AUTS2: variants seen among roughly 807,000 people sequenced by gnomAD.
AUTS2 encodes autism susceptibility gene 2 protein.
Under a neutral mutation model 112.4 loss-of-function variants are expected in AUTS2, and 17 were observed. That is an observed-to-expected ratio of 0.15 (90% CI 0.10 to 0.23). AUTS2 has a LOEUF of 0.23. Ranked by LOEUF, AUTS2 falls within the 10% of genes least tolerant of loss-of-function variation. The pLI, the probability that AUTS2 is intolerant of heterozygous loss-of-function variation, is 1.00. For missense variants in AUTS2, 1,510 were observed against 1,701.6 expected (o/e 0.89, Z 1.98); for synonymous variants, 751 against 702.7 (o/e 1.07, Z -1.09).
At chr7:69,901,311 A>C (rs116387536) in intron 2 of AUTS2, among the ~76,000 whole-genome samples, 101 of 151,764 alleles carry the variant, frequency 6.7e-4, no homozygotes, top group African/African-American at 2.3e-3. Flanking sequence ...GCAGGGTAAG[A>C]AGGAAGCCTT....
chr7:69,694,144 G>C (rs1335200277), intron 1 of AUTS2, among the ~76,000 whole-genome samples: 1 of 152,140 alleles, frequency 6.6e-6, no homozygotes, highest in Non-Finnish European at 1.5e-5. Flanking sequence ...GGGGCAGTTA[G>C]GTGGAACTAA....
chr7:70,071,327 G>A (rs1448954277), intron 2 of AUTS2, among the ~76,000 whole-genome samples: 2 of 152,148 alleles, frequency 1.3e-5, no homozygotes, highest in Non-Finnish European at 2.9e-5. Flanking sequence ...CCAAGAGGAA[G>A]GAGATGCTGG....
At chr7:70,704,080 C>T (rs1585538413) in intron 6 of AUTS2, among the ~76,000 whole-genome samples, 1 of 152,162 alleles carries the variant, frequency 6.6e-6, no homozygotes, top group African/African-American at 2.4e-5. Flanking sequence ...AAACAGATGC[C>T]TTGTACTGTT....
intron 2 of AUTS2, among the ~76,000 whole-genome samples, chr7:69,908,642 G>T (rs1795239911): frequency 6.6e-6 from 1 of 152,174 alleles, no homozygotes; most frequent in Non-Finnish European, 1.5e-5. Flanking sequence ...CTTCTCCTAT[G>T]TGCCTGCCTG....
intron 5 of AUTS2, among the ~76,000 whole-genome samples, chr7:70,623,042 A>G (rs1804758410): frequency 6.6e-6 from 1 of 152,176 alleles, no homozygotes; most frequent in African/African-American, 2.4e-5. Context: ...TTAGCAAGAG[A>G]GTGGCCGCTT....
chr7:69,722,151 C>CA (rs751608208), intron 1 of AUTS2, among the ~76,000 whole-genome samples: 6,199 of 91,026 alleles, frequency 0.068, 260 homozygotes, highest in African/African-American at 0.16. Context: ...CAATGAAGGG[C>CA]AAAAAAAAAA....
chr7:69,889,303 TTC>T (rs751979601), intron 1 of AUTS2, among the ~76,000 whole-genome samples: 11 of 152,226 alleles, frequency 7.2e-5, no homozygotes, highest in Non-Finnish European at 1.3e-4. Flanking sequence ...ATGGAGGTAA[TTC>T]TGAGTATTAC....
chr7:70,050,869 C>T (rs1241777906), intron 2 of AUTS2, among the ~76,000 whole-genome samples: 4 of 152,118 alleles, frequency 2.6e-5, no homozygotes, highest in Admixed American at 1.3e-4. Flanking sequence ...GTGGTGTGCT[C>T]CTGTAGTCCC....
At chr7:69,775,947 C>G (rs1321771579) in intron 1 of AUTS2, among the ~76,000 whole-genome samples, 2 of 152,166 alleles carry the variant, frequency 1.3e-5, no homozygotes, top group Non-Finnish European at 2.9e-5. Flanking sequence ...AGACCTCCCC[C>G]ACCCCACTTC....
At chr7:70,750,314 T>C (rs1788722050) in intron 6 of AUTS2, among the ~76,000 whole-genome samples, 1 of 148,036 alleles carries the variant, frequency 6.8e-6, no homozygotes, top group African/African-American at 2.6e-5. Context: ...TAGGATAAAC[T>C]CGACAGATGG....
chr7:70,427,512 ATACTT>A (rs1795484169), intron 4 of AUTS2, among the ~76,000 whole-genome samples: 1 of 152,238 alleles, frequency 6.6e-6, no homozygotes, highest in South Asian at 2.1e-4. Flanking sequence ...TAACTCAACA[ATACTT>A]TAATGATCTG....
intron 2 of AUTS2, among the ~76,000 whole-genome samples, chr7:70,109,624 G>T (rs542426181): frequency 6.6e-6 from 1 of 152,130 alleles, no homozygotes; most frequent in African/African-American, 2.4e-5. Flanking sequence ...GGCTTACTAC[G>T]ATAAAGGGTT....
intron 1 of AUTS2, among the ~76,000 whole-genome samples, chr7:69,893,048 A>C (rs1351689349): frequency 6.6e-6 from 1 of 152,226 alleles, no homozygotes; most frequent in Non-Finnish European, 1.5e-5. Context: ...ATAATAGTTC[A>C]CTGATTAGCC....
Position 69,747,766 on chromosome 7 carries a change from GAC to G in AUTS2, c.309+147806_309+147807del, listed in dbSNP as rs1491226429. Among the ~76,000 whole-genome samples, 77 of 147,160 alleles carry G rather than the reference GAC, an allele frequency of 5.2e-4. 1 individual carries two copies. Among genetic ancestry groups the G allele is most frequent in the South Asian group, 2.9e-3 (13 of 4,510 alleles). ...TGTGTGTATATGTATGTGTGTGACA[GAC>G]AGAGAGAAGGAGAGGGGTGTGTGTG... On this transcript the variant is annotated intron_variant, in intron 1 of 18. Coordinates refer to ENST00000342771, the MANE Select transcript of AUTS2 (RefSeq NM_015570.4).
intron 1 of AUTS2, among the ~76,000 whole-genome samples, chr7:69,821,699 A>G (rs1300987596): frequency 6.6e-6 from 1 of 151,962 alleles, no homozygotes; most frequent in Non-Finnish European, 1.5e-5. Context: ...CAGACGTGCC[A>G]CCTTTAAGAG....
intron 2 of AUTS2, among the ~76,000 whole-genome samples, chr7:69,931,479 A>G (rs887981137): frequency 3.9e-5 from 6 of 152,008 alleles, no homozygotes; most frequent in Non-Finnish European, 8.8e-5. Context: ...CTAGTTAACT[A>G]TTGTTTTGCC....
At chr7:69,938,352 A>G (rs966112996) in intron 2 of AUTS2, among the ~76,000 whole-genome samples, 1 of 152,180 alleles carries the variant, frequency 6.6e-6, no homozygotes, top group Non-Finnish European at 1.5e-5. Flanking sequence ...ACCAAACTCC[A>G]GGAAACTTCC....
intron 4 of AUTS2, among the ~76,000 whole-genome samples, chr7:70,359,972 A>T (rs1211557138): frequency 6.6e-6 from 1 of 152,180 alleles, no homozygotes; most frequent in Admixed American, 6.5e-5. Context: ...TAGCAGAAGC[A>T]CGGGTTTTTA....
At chr7:69,799,004 G>A (rs551824855) in intron 1 of AUTS2, among the ~76,000 whole-genome samples, 1 of 151,578 alleles carries the variant, frequency 6.6e-6, no homozygotes, top group African/African-American at 2.4e-5. Context: ...AAAAAAAAGT[G>A]TGTATATAAG....
Sources: allele counts gnomAD v4.1 joint callset (sites outside exome capture counted in the v4.1 genomes callset), GRCh38; gene constraint gnomAD v4.1.1; transcripts MANE v1.5; gene names NCBI Gene and HGNC (gene_info 2026-07-23, HGNC 2026-07-21).